The following HTR7 variants were observed in gnomAD, a reference collection of about 807,000 sequenced individuals.
HTR7 encodes the protein 5-HT-7.
HTR7 carries 16 observed loss-of-function variants against 34.0 expected under a neutral mutation model. That is an observed-to-expected ratio of 0.47 (90% CI 0.32 to 0.71). The LOEUF (loss-of-function observed/expected upper bound fraction) is 0.71. Ranked by LOEUF, HTR7 falls within the 30% of genes least tolerant of loss-of-function variation. The probability of loss-of-function intolerance (pLI) is 0.04; values close to 1 mark genes in which losing one functional copy is unlikely to be tolerated. For missense variants in HTR7, 504 were observed against 625.5 expected (o/e 0.81, Z 2.07); for synonymous variants, 265 against 260.2 (o/e 1.02, Z -0.18).
chr10:90,802,269 A>G (rs1230610374), intron 1 of HTR7, among the ~76,000 whole-genome samples: 6 of 152,244 alleles, frequency 3.9e-5, no homozygotes, highest in Non-Finnish European at 8.8e-5. Flanking sequence ...CCAATCTGAA[A>G]AGACTAGGAG....
At chr10:90,838,745 A>G (rs1321416459) in intron 1 of HTR7, among the ~76,000 whole-genome samples, 1 of 152,086 alleles carries the variant, frequency 6.6e-6, no homozygotes, top group South Asian at 2.1e-4. Context: ...CTTTGCCTAG[A>G]AAGTTCTTTT....
At chr10:90,763,516 G>A (rs966623729) in intron 1 of HTR7, among the ~76,000 whole-genome samples, 7 of 152,062 alleles carry the variant, frequency 4.6e-5, no homozygotes, top group African/African-American at 1.4e-4. Context: ...TGTTACATAC[G>A]TATACATGTG....
intron 1 of HTR7, among the ~76,000 whole-genome samples, chr10:90,802,528 T>C (rs553575232): frequency 6.6e-6 from 1 of 152,360 alleles, no homozygotes; most frequent in East Asian, 1.9e-4. Flanking sequence ...ATTGAGTCAC[T>C]ACTGGAACTA....
intron 1 of HTR7, among the ~76,000 whole-genome samples, chr10:90,839,038 A>T (rs1846290605): frequency 6.6e-6 from 1 of 152,210 alleles, no homozygotes; most frequent in Non-Finnish European, 1.5e-5. Flanking sequence ...GTAGTCAATA[A>T]ATATTAAAAA....
At chr10:90,837,838 T>G (rs1298813678) in intron 1 of HTR7, among the ~76,000 whole-genome samples, 2 of 152,218 alleles carry the variant, frequency 1.3e-5, no homozygotes, top group Admixed American at 6.5e-5. Context: ...TGACTCTTGC[T>G]GGCTTCCATC....
chr10:90,810,668 G>T (rs902763780), intron 1 of HTR7, among the ~76,000 whole-genome samples: 1 of 152,074 alleles, frequency 6.6e-6, no homozygotes, highest in Non-Finnish European at 1.5e-5. Flanking sequence ...TTCTGTTCTA[G>T]ATCTCAAACA....
chr10:90,825,459 C>T (rs913216192), intron 1 of HTR7, among the ~76,000 whole-genome samples: 8 of 152,160 alleles, frequency 5.3e-5, no homozygotes, highest in African/African-American at 1.9e-4. Flanking sequence ...AACAAATATC[C>T]ACAAGCATCA....
intron 1 of HTR7, among the ~76,000 whole-genome samples, chr10:90,772,598 T>A (rs1845134072): frequency 6.6e-6 from 1 of 152,198 alleles, no homozygotes; most frequent in African/African-American, 2.4e-5. Flanking sequence ...AAACTTACCG[T>A]CCATTTCTAA....
At chr10:90,836,863 A>T (rs1220240987) in intron 1 of HTR7, among the ~76,000 whole-genome samples, 1 of 152,232 alleles carries the variant, frequency 6.6e-6, no homozygotes, top group Non-Finnish European at 1.5e-5. Context: ...TATTTCTATC[A>T]TCATGAGGAA....
At chr10:90,756,049 C>A (rs955809625) in intron 1 of HTR7, among the ~76,000 whole-genome samples, 8 of 152,154 alleles carry the variant, frequency 5.3e-5, no homozygotes, top group African/African-American at 1.9e-4. Context: ...TGAGAATGAA[C>A]CCACTACTGC....
chr10:90,787,233 T>C (rs1256802899), intron 1 of HTR7, among the ~76,000 whole-genome samples: 1 of 152,234 alleles, frequency 6.6e-6, no homozygotes, highest in African/African-American at 2.4e-5. Flanking sequence ...GTCACGCCTG[T>C]AATCCCAGCA....
intron 1 of HTR7, among the ~76,000 whole-genome samples, chr10:90,838,220 A>G (rs1416045397): frequency 1.3e-5 from 2 of 152,130 alleles, no homozygotes. Context: ...GATTTTTACC[A>G]CCAATTCTAC....
intron 1 of HTR7, among the ~76,000 whole-genome samples, chr10:90,755,590 C>T (rs995172694): frequency 1.3e-5 from 2 of 152,166 alleles, no homozygotes; most frequent in Admixed American, 6.5e-5. Flanking sequence ...GAAAATTACT[C>T]ACCTTCACCA....
In HTR7 at chr10:90,812,836, C is replaced by A. The variant is rs1589462195; in HGVS notation, c.539+44297G>T. Among the ~76,000 whole-genome samples the A allele has an allele frequency of 2.0e-5, 3 of 152,206 alleles. No individual in the cohort carries two copies. In the East Asian group the frequency reaches 5.8e-4, roughly 29 times the overall value. On this transcript the variant is annotated intron_variant, in intron 1 of 3. Coordinates refer to ENST00000336152, the MANE Select transcript of HTR7 (RefSeq NM_019859.4). ...GTCAGGCCTCTGAGCCCAAGCCAAGCCATCGCATCCCCTGTGACTTGCACA... is the reference window on the plus strand; with the variant it reads ...GTCAGGCCTCTGAGCCCAAGCCAAGACATCGCATCCCCTGTGACTTGCACA...
At chr10:90,760,971 T>C (rs1272286144) in intron 1 of HTR7, among the ~76,000 whole-genome samples, 1 of 152,226 alleles carries the variant, frequency 6.6e-6, no homozygotes, top group Non-Finnish European at 1.5e-5. Context: ...TAGCTCTGAC[T>C]GAAAGTTCTA....
chr10:90,809,552 G>C (rs1845767276), intron 1 of HTR7, among the ~76,000 whole-genome samples: 1 of 152,174 alleles, frequency 6.6e-6, no homozygotes, highest in Admixed American at 6.5e-5. Flanking sequence ...TCGCCTTCAA[G>C]GTGTACAATA....
chr10:90,768,404 T>C (rs144397650), intron 1 of HTR7, among the ~76,000 whole-genome samples: 504 of 152,334 alleles, frequency 3.3e-3, no homozygotes, highest in Non-Finnish European at 5.8e-3. Flanking sequence ...AAGGCATATA[T>C]TGAGAAACCT....
chr10:90,837,577 G>A (rs1327629830), intron 1 of HTR7, among the ~76,000 whole-genome samples: 1 of 152,160 alleles, frequency 6.6e-6, no homozygotes, highest in Non-Finnish European at 1.5e-5. Context: ...TTGGCACTAA[G>A]CTCTTGAACT....
chr10:90,761,633 C>CGTGTGT (rs3981197), intron 1 of HTR7, among the ~76,000 whole-genome samples: 2,661 of 147,464 alleles, frequency 0.018, 36 homozygotes, highest in South Asian at 0.038. Context: ...TGTGTGTATG[C>CGTGTGT]GTGTGTGTGT....
Sources: allele counts gnomAD v4.1 joint callset (sites outside exome capture counted in the v4.1 genomes callset), GRCh38; gene constraint gnomAD v4.1.1; transcripts MANE v1.5; gene names NCBI Gene and HGNC (gene_info 2026-07-23, HGNC 2026-07-21).